The following GRAMD1A variants were observed in gnomAD, a reference collection of about 807,000 sequenced individuals.
GRAMD1A encodes GRAM domain containing 1A.
Under a neutral mutation model 92.0 loss-of-function variants are expected in GRAMD1A, and 50 were observed. The ratio of observed to expected loss-of-function variants is 0.54; its 90% CI spans 0.43 to 0.69. The LOEUF is 0.69. Among genes scored for constraint, GRAMD1A ranks in the 30% least tolerant of loss-of-function variants. The probability of loss-of-function intolerance (pLI) is 0.00; values close to 1 mark genes in which losing one functional copy is unlikely to be tolerated. For synonymous variants in GRAMD1A, 405 were observed against 403.6 expected (o/e 1.00, Z -0.04); for missense variants, 819 against 978.9 (o/e 0.84, Z 2.18).
chr19:35,022,782 C>T (rs1199301339), intron 16 of GRAMD1A, 118 bp from the exon 17 acceptor site: 9 of 877,272 alleles, frequency 1.0e-5, no homozygotes, highest in Non-Finnish European at 1.4e-5. Context: ...AGCTCTCATC[C>T]AGTGAGGGGG....
chr19:35,012,031 G>A (rs142042573), intron 7 of GRAMD1A, among the ~76,000 whole-genome samples: 2 of 152,304 alleles, frequency 1.3e-5, no homozygotes, highest in East Asian at 3.9e-4. Flanking sequence ...AGGCCCTAAG[G>A]AGGACAGGGC....
At position 35,026,257 on chromosome 19, in the gene GRAMD1A, C is replaced by A; in HGVS notation, c.*116C>A. On this transcript the variant is annotated 3_prime_UTR_variant, in exon 20 of 20. Coordinates refer to ENST00000317991, the MANE Select transcript of GRAMD1A (RefSeq NM_020895.5). ...TCTCCCACCCGCCCCTCCCGACGGC[C>A]CAACCAGGGGCTGTGCAGACGTGGG... is the stretch of plus-strand genomic sequence containing the variant. The A allele has an allele frequency of 1.5e-6, 1 of 662,922 alleles. No individual in the cohort carries two copies. The highest frequency in any genetic ancestry group is 2.8e-6 in the Non-Finnish European group (1 of 363,130). The allele number at this position is 662,922 out of a possible 1,614,324, so 41.1% of individuals were successfully genotyped here.
chr19:35,000,176 C>A, upstream of GRAMD1A: 1 of 1,010,624 alleles, frequency 9.9e-7, no homozygotes. This position sits in a 1 kb window ranked among gnomAD's most constrained non-coding sequence, Gnocchi z 4.9. Context: ...TCTGTCCAGT[C>A]CCTCTCTCCC....
rs751803764 is a variant in GRAMD1A, at chr19:35,014,232, C to A, written c.914C>A (p.Ala305Asp). ...GAGCAGGTAGACAGCCAGCCAGACG[C>A]CTCCTCCAGCCAGACAGTGACCCCG... Reference protein sequence around the residue: ...KEEQVDSQPDASSSQTVTPVA... With the variant: ...KEEQVDSQPDDSSSQTVTPVA... The change falls in exon 10 of 20, where the codon GCC (alanine) becomes GAC (aspartate). Residue 305 changes from alanine (A) to aspartate (D), a missense_variant. Physicochemically the swap from Ala to Asp is moderately radical, Grantham distance 126. Transcript: ENST00000317991. 1 of 1,614,048 alleles carries A rather than the reference C, an allele frequency of 6.2e-7. No homozygotes were observed. The highest frequency in any genetic ancestry group is 8.5e-7 in the Non-Finnish European group (1 of 1,180,018).
Position 35,000,328 on chromosome 19 carries a change from G to T in GRAMD1A, c.-151G>T. 5.6e-6 allele frequency: 6 copies of T among 1,062,192 alleles called. No homozygotes were observed. Among genetic ancestry groups the T allele is most frequent in the Non-Finnish European group, 6.8e-6 (6 of 881,072 alleles). The allele number at this position is 1,062,192 out of a possible 1,614,324, so 65.8% of individuals were successfully genotyped here. A position where few individuals can be genotyped will look rare whatever the true frequency, so the allele number is the denominator to read the frequency against. On this transcript the variant is annotated 5_prime_UTR_variant, in exon 1 of 20. Transcript: ENST00000317991. The surrounding 1 kb of genome is among the most constrained non-coding windows in gnomAD (Gnocchi z 4.9). ...CGGCCTCCGGCGGCTCCGGCCTTTT[G>T]TGCGGGCGGTTGGGTCGGGTGGGGG...
intron 1 of GRAMD1A, chr19:35,006,035 C>G: frequency 2.2e-6 from 1 of 454,540 alleles, no homozygotes; most frequent in South Asian, 1.6e-5. Context: ...TGAAATAAAC[C>G]AAGCCCATGG....
chr19:35,013,218 G>A lies in GRAMD1A; in HGVS notation c.607-38G>A, dbSNP rs1568327405. ...ATCTGGCGGGCCGGGCTCTGGCTGG[G>A]GTGAGATGGAGGCCAACCCCAGGTC... On this transcript the variant is annotated intron_variant, in intron 7 of 19. Coordinates refer to ENST00000317991, the MANE Select transcript of GRAMD1A (RefSeq NM_020895.5). The surrounding 1 kb of genome is among the most constrained non-coding windows in gnomAD (Gnocchi z 4.9). The A allele has an allele frequency of 8.8e-7, 1 of 1,132,588 alleles. No individual in the cohort carries two copies. The highest frequency in any genetic ancestry group is 1.3e-6 in the Non-Finnish European group (1 of 777,428). The allele number at this position is 1,132,588 out of a possible 1,614,324, so 70.2% of individuals were successfully genotyped here.
chr19:35,003,600 G>A (rs1439337160), intron 1 of GRAMD1A, among the ~76,000 whole-genome samples: 1 of 152,236 alleles, frequency 6.6e-6, no homozygotes, highest in Non-Finnish European at 1.5e-5. Flanking sequence ...TAGATCTGTG[G>A]CTGCGGGAAA....
At chr19:35,004,318 A>G (rs2014641201) in intron 1 of GRAMD1A, among the ~76,000 whole-genome samples, 1 of 151,710 alleles carries the variant, frequency 6.6e-6, no homozygotes, top group Non-Finnish European at 1.5e-5. Flanking sequence ...CTGCCCCCCT[A>G]GTTGTCCCAT....
chr19:35,013,581 A>G lies in GRAMD1A; in HGVS notation c.760A>G (p.Ile254Val). Residue 254 changes from isoleucine (I) to valine (V), a missense_variant, in exon 9 of 20, where the codon ATC (isoleucine) becomes GTC (valine). Transcript: ENST00000317991. The surrounding 1 kb of genome is among the most constrained non-coding windows in gnomAD (Gnocchi z 4.9). ...EVGDVIALSD[I>V]TSSGAADRSQ... ...GGGAGATGTGATCGCCCTGAGCGACATCACCTCCTCGGGGGCAGCTGACCG... is the reference window on the plus strand; with the variant it reads ...GGGAGATGTGATCGCCCTGAGCGACGTCACCTCCTCGGGGGCAGCTGACCG... 1.2e-6 allele frequency: 2 copies of G among 1,613,112 alleles called. No individual in the cohort carries two copies. The highest frequency in any genetic ancestry group is 1.7e-6 in the Non-Finnish European group (2 of 1,179,506).
intron 13 of GRAMD1A, among the ~76,000 whole-genome samples, chr19:35,020,938 G>T (rs1278924273): frequency 2.0e-5 from 3 of 152,212 alleles, no homozygotes; most frequent in African/African-American, 7.2e-5. Flanking sequence ...GAAGAGTTTA[G>T]ATTCTGGAGA....
At chr19:35,002,725 TTC>T (rs1338202358) in intron 1 of GRAMD1A, 1 of 152,368 alleles carries the variant, frequency 6.6e-6, no homozygotes, top group Non-Finnish European at 1.5e-5. Flanking sequence ...AAGTAGCCTT[TTC>T]TCTGTCTTCC....
chr19:35,024,187 C>T (rs76977610), intron 19 of GRAMD1A, among the ~76,000 whole-genome samples: 4 of 152,272 alleles, frequency 2.6e-5, no homozygotes, highest in Admixed American at 1.3e-4. Flanking sequence ...CCATGGTGGC[C>T]GTGGACTCCT....
rs201930739 is a variant in GRAMD1A, at chr19:35,019,375, G to A, written c.1333-16G>A. ...TGAGTGGGGTGGCCCTGACTTCTCC[G>A]GCTCTGTCCCTGCAGACGCTGTTCC... On this transcript the variant is annotated splice_polypyrimidine_tract_variant and intron_variant, in intron 12 of 19. Coordinates refer to ENST00000317991, the MANE Select transcript of GRAMD1A (RefSeq NM_020895.5). The A allele has an allele frequency of 1.3e-4, 210 of 1,613,594 alleles. 1 individual carries two copies. The African/African-American group carries it at 2.4e-3, about 18-fold the overall frequency.
intron 11 of GRAMD1A, among the ~76,000 whole-genome samples, chr19:35,017,170 AT>A (rs111475554): frequency 1.4e-4 from 19 of 133,072 alleles, no homozygotes; most frequent in African/African-American, 4.2e-4. Context: ...GAGAGACTCC[AT>A]TAAAAAAAAA....
In GRAMD1A at chr19:35,019,405, C is replaced by T. The variant is rs12974484; in HGVS notation, c.1347C>T (p.Arg449=). 10,956 of 1,613,824 alleles carry T rather than the reference C, an allele frequency of 6.8e-3. 50 individuals are homozygous for T. Among genetic ancestry groups the T allele is most frequent in the Non-Finnish European group, 8.3e-3 (9,819 of 1,179,908 alleles). Residue 449 remains arginine (R), a synonymous_variant, in exon 13 of 20, where the codon CGC becomes CGT. Transcript: ENST00000317991. ...SVVETQTLFR[R]GPQAGGCVVD... ...TGTCCCTGCAGACGCTGTTCCGGCG[C>T]GGCCCCCAGGCCGGCGGGTGTGTGG...
chr19:35,024,548 GTC>G (rs2016303774), intron 19 of GRAMD1A, among the ~76,000 whole-genome samples: 1 of 152,190 alleles, frequency 6.6e-6, no homozygotes, highest in South Asian at 2.1e-4. Context: ...GGGAAACAGA[GTC>G]TGGCATTGCC....
intron 1 of GRAMD1A, among the ~76,000 whole-genome samples, chr19:35,008,397 T>G (rs2014978909): frequency 6.6e-6 from 1 of 151,994 alleles, no homozygotes; most frequent in Non-Finnish European, 1.5e-5. Context: ...CTGTTAGAAT[T>G]ACTTTACATG....
At position 35,026,109 on chromosome 19, in the gene GRAMD1A, AC is replaced by A; in HGVS notation, c.2146del (p.Gln716SerfsTer102). 1 of 1,600,596 alleles carries A rather than the reference AC, an allele frequency of 6.2e-7. No homozygotes were observed. The highest frequency in any genetic ancestry group is 8.6e-7 in the Non-Finnish European group (1 of 1,167,864). On this transcript the variant is annotated frameshift_variant, in exon 20 of 20. Transcript: ENST00000317991. LOFTEE classifies it high-confidence loss of function. Reference protein sequence around the residue: ...GITVSDPPFDTQPRPDDSFS With the variant: ...GITVSDPPFDXQPRPDDSFS The stretch of plus-strand genomic sequence containing the variant: ...CACAGTCTCAGACCCTCCCTTTGAC[AC>A]CCAGCCCCGGCCCGATGACAGCTTT...
Sources: allele counts gnomAD v4.1 joint callset (sites outside exome capture counted in the v4.1 genomes callset), GRCh38; gene constraint gnomAD v4.1.1; non-coding constraint Gnocchi (gnomAD v3.1); transcripts MANE v1.5; gene names NCBI Gene and HGNC (gene_info 2026-07-23, HGNC 2026-07-21).